The following CLEC4D variants were observed in gnomAD, a reference collection of about 807,000 sequenced individuals.
The protein encoded by CLEC4D is C-type (calcium dependent, carbohydrate-recognition domain) lectin, superfamily member 8.
In CLEC4D, 21 loss-of-function variants were observed where a neutral mutation model predicts 21.1. The ratio of observed to expected loss-of-function variants is 1.00; its 90% CI spans 0.71 to 1.43. The LOEUF (loss-of-function observed/expected upper bound fraction) is 1.43, where lower values mean the gene tolerates loss of function less well. Among genes scored for constraint, CLEC4D ranks in the 40% most tolerant of loss-of-function variants. The pLI is 0.00. For synonymous variants in CLEC4D, 85 were observed against 83.1 expected (o/e 1.02, Z -0.12); for missense variants, 289 against 260.7 (o/e 1.11, Z -0.75).
intron 2 of CLEC4D, among the ~76,000 whole-genome samples, chr12:8,516,193 C>T (rs2136384650): frequency 6.6e-6 from 1 of 152,094 alleles, no homozygotes; most frequent in East Asian, 1.9e-4. Flanking sequence ...AGAATATCCT[C>T]ATGACCTGGA....
chr12:8,520,074 C>G, intron 4 of CLEC4D, 152 bp from the exon 5 acceptor site: 2 of 1,285,362 alleles, frequency 1.6e-6, no homozygotes, highest in Non-Finnish European at 2.1e-6. Flanking sequence ...GAAGCACTTA[C>G]TAACATTACA....
chr12:8,530,730 CAG>C, the CLEC4D span, among the ~76,000 whole-genome samples: 5 of 151,874 alleles, frequency 3.3e-5, no homozygotes, highest in African/African-American at 1.2e-4. Context: ...ATTATCTACA[CAG>C]AAAATAAAAG....
the CLEC4D span, among the ~76,000 whole-genome samples, chr12:8,530,459 C>CAAAAAAAAA: frequency 1.1e-5 from 1 of 87,364 alleles, no homozygotes; most frequent in Non-Finnish European, 2.4e-5. Flanking sequence ...ATCAAGAAAG[C>CAAAAAAAAA]AAAAAAAAAA....
Position 8,519,019 on chromosome 12 carries a change from G to C in CLEC4D, c.243G>C (p.Trp81Cys). The C allele has an allele frequency of 6.2e-7, 1 of 1,613,396 alleles. No homozygotes were observed. The highest frequency in any genetic ancestry group is 8.5e-7 in the Non-Finnish European group (1 of 1,179,782). ...SELKSAEGST[W>C]NCCPIDWRAF... ...TAATTTTCACTTGAGGGAGCACCTGGAACTGTTGTCCTATTGACTGGAGAG... is the reference window on the plus strand; with the variant it reads ...TAATTTTCACTTGAGGGAGCACCTGCAACTGTTGTCCTATTGACTGGAGAG... Residue 81 changes from tryptophan to cysteine, a missense_variant, in exon 4 of 6, where the codon TGG becomes TGC. Coordinates refer to ENST00000299665, the MANE Select transcript of CLEC4D (RefSeq NM_080387.5).
At chr12:8,524,469 T>C (rs748362679), downstream of CLEC4D, among the ~76,000 whole-genome samples, 2 of 152,296 alleles carry the variant, frequency 1.3e-5, no homozygotes, top group South Asian at 2.1e-4. Context: ...TTCTTGTAGA[T>C]TTTCTAGTTT....
chr12:8,515,328 G>C lies in CLEC4D; in HGVS notation c.121G>C (p.Val41Leu). ...LSVCFIASCL[V>L]THHNFSRCKR... ...TGTCTGTTTTATTGCAAGTTGTTTG[G>C]GTAAGTTATTAGCCAAAGTAGAACT... The change falls in exon 2 of 6, where the codon GTG becomes CTG. Residue 41 changes from valine to leucine, a missense_variant and splice_region_variant. Coordinates refer to ENST00000299665, the MANE Select transcript of CLEC4D (RefSeq NM_080387.5). 1 of 1,284,994 alleles carries C rather than the reference G, an allele frequency of 7.8e-7. No individual in the cohort carries two copies. The allele number at this position is 1,284,994 out of a possible 1,614,324, so 79.6% of individuals were successfully genotyped here.
In CLEC4D at chr12:8,520,691, GT is replaced by G. The variant is rs1375920651; in HGVS notation, c.500+351del. On this transcript the variant is annotated intron_variant, in intron 5 of 5. Coordinates refer to ENST00000299665, the MANE Select transcript of CLEC4D (RefSeq NM_080387.5). ...TCTTTCTTGAAGCCAGTATCGTTTA[GT>G]AAAAATATAATGCAAAGCCACATGT... Among the ~76,000 whole-genome samples, 3 of 152,236 alleles carry G rather than the reference GT, an allele frequency of 2.0e-5. No individual in the cohort carries two copies. In the East Asian group the frequency reaches 5.8e-4, roughly 29 times the overall value.
Position 8,519,059 on chromosome 12 carries a change from T to A in CLEC4D, c.283T>A (p.Cys95Ser). The A allele has an allele frequency of 1.9e-6, 3 of 1,614,198 alleles. No individual in the cohort carries two copies. The South Asian group carries it at 3.3e-5, about 18-fold the overall frequency. Residue 95 changes from cysteine to serine, a missense_variant, in exon 4 of 6, where the codon TGC (cysteine) becomes AGC (serine). By Grantham distance (112) the Cys-to-Ser change is moderately radical. Coordinates refer to ENST00000299665, the MANE Select transcript of CLEC4D (RefSeq NM_080387.5). ...PIDWRAFQSN[C>S]YFPLTDNKTW... ...TGACTGGAGAGCCTTCCAGTCCAACTGCTATTTTCCTCTTACTGACAACAA... is the reference window on the plus strand; with the variant it reads ...TGACTGGAGAGCCTTCCAGTCCAACAGCTATTTTCCTCTTACTGACAACAA...
chr12:8,531,253 G>A, the CLEC4D span, among the ~76,000 whole-genome samples: 4 of 152,172 alleles, frequency 2.6e-5, no homozygotes, highest in Admixed American at 2.0e-4. Context: ...GTAGTCATGC[G>A]TCCCTCTCCC....
downstream of CLEC4D, among the ~76,000 whole-genome samples, chr12:8,526,895 T>A (rs769800120): frequency 3.3e-5 from 5 of 152,270 alleles, no homozygotes; most frequent in African/African-American, 1.2e-4. Flanking sequence ...GTTGTTGTTG[T>A]TGATGCTGTT....
chr12:8,517,142 C>T (rs1940391548), intron 2 of CLEC4D, among the ~76,000 whole-genome samples: 1 of 152,032 alleles, frequency 6.6e-6, no homozygotes, highest in South Asian at 2.1e-4. Context: ...CCTATAAAGG[C>T]GAGGGAGTGA....
At chr12:8,521,102 A>C (rs757759721) in intron 5 of CLEC4D, 22 bp from the exon 6 acceptor site, 1 of 1,609,142 alleles carries the variant, frequency 6.2e-7, no homozygotes, top group Non-Finnish European at 8.5e-7. Context: ...ATAAATCTCT[A>C]TCTATGTTGT....
downstream of CLEC4D, among the ~76,000 whole-genome samples, chr12:8,523,819 A>G (rs905407329): frequency 1.3e-5 from 2 of 152,050 alleles, no homozygotes; most frequent in African/African-American, 2.4e-5. Context: ...ATTCAATATG[A>G]TATATTGGCT....
In CLEC4D at chr12:8,521,500, ATCTT is replaced by A; in HGVS notation, c.*235_*238del. ...TGTATGGTGTTTGATGGAAGGAATAATCTTTCTTTGCTTTCTTAGTAGTATTTCA... is the reference window on the plus strand; with the variant it reads ...TGTATGGTGTTTGATGGAAGGAATAATCTTTGCTTTCTTAGTAGTATTTCA... On this transcript the variant is annotated 3_prime_UTR_variant, in exon 6 of 6. Transcript: ENST00000299665. 4.6e-6 allele frequency: 4 copies of A among 864,918 alleles called. No individual in the cohort carries two copies. The highest frequency in any genetic ancestry group is 6.2e-6 in the Non-Finnish European group (4 of 648,202). The allele number at this position is 864,918 out of a possible 1,614,324, so 53.6% of individuals were successfully genotyped here. A position where few individuals can be genotyped will look rare whatever the true frequency, so the allele number is the denominator to read the frequency against.
chr12:8,530,107 T>C, the CLEC4D span, among the ~76,000 whole-genome samples: 2 of 152,216 alleles, frequency 1.3e-5, no homozygotes, highest in African/African-American at 2.4e-5. Context: ...AAAGAGCTGC[T>C]AAAGCATCAT....
In CLEC4D at chr12:8,521,182, T is replaced by A. The variant is rs1278874479; in HGVS notation, c.559T>A (p.Tyr187Asn). 1 of 1,613,600 alleles carries A rather than the reference T, an allele frequency of 6.2e-7. No homozygotes were observed. The highest frequency in any genetic ancestry group is 2.2e-5 in the East Asian group (1 of 44,856). The change falls in exon 6 of 6, where the codon TAT (tyrosine) becomes AAT (asparagine). Residue 187 changes from tyrosine (Y) to asparagine (N), a missense_variant. By Grantham distance (143) the Tyr-to-Asn change is moderately radical. Coordinates refer to ENST00000299665, the MANE Select transcript of CLEC4D (RefSeq NM_080387.5). ...SQGENCVVLVYNQDKWAWNDV... is the reference protein window; with the variant it reads ...SQGENCVVLVNNQDKWAWNDV... ...GGGAGAAAACTGTGTTGTTCTTGTT[T>A]ATAACCAAGATAAATGGGCCTGGAA...
Position 8,521,410 on chromosome 12 carries a change from T to G in CLEC4D, c.*139T>G, listed in dbSNP as rs1940457180. 1 of 1,426,550 alleles carries G rather than the reference T, an allele frequency of 7.0e-7. No individual in the cohort carries two copies. Among genetic ancestry groups the G allele is most frequent in the African/African-American group, 1.4e-5 (1 of 70,028 alleles). 88.4% of individuals were successfully genotyped at this position (1,426,550 alleles called of 1,614,324 possible). On this transcript the variant is annotated 3_prime_UTR_variant, in exon 6 of 6. Coordinates refer to ENST00000299665, the MANE Select transcript of CLEC4D (RefSeq NM_080387.5). Reference sequence around the variant, plus strand: ...TTAGTCATAATGGTCTTTTTTATTTTGTTTGATTCATTCGAGACAACATGT... The same window carrying G: ...TTAGTCATAATGGTCTTTTTTATTTGGTTTGATTCATTCGAGACAACATGT...
chr12:8,522,297 G>A lies in CLEC4D; in HGVS notation c.*1026G>A, dbSNP rs2136389861. ...GACAACCAGAAATTATGCTTTTCTG[G>A]TGCATGAAACATTAATTGCAAAGGG... On this transcript the variant is annotated 3_prime_UTR_variant, in exon 6 of 6. Coordinates refer to ENST00000299665, the MANE Select transcript of CLEC4D (RefSeq NM_080387.5). The A allele has an allele frequency of 6.6e-6, 1 of 152,190 alleles. No individual in the cohort carries two copies. The highest frequency in any genetic ancestry group is 1.5e-5 in the Non-Finnish European group (1 of 67,972). The allele number at this position is 152,190 out of a possible 1,614,324, so 9.4% of individuals were successfully genotyped here.
At chr12:8,515,870 A>G (rs984634847) in intron 2 of CLEC4D, among the ~76,000 whole-genome samples, 4 of 152,166 alleles carry the variant, frequency 2.6e-5, no homozygotes, top group Admixed American at 2.0e-4. Flanking sequence ...TCTTTCTGAT[A>G]TCAAACATAA....
Sources: allele counts gnomAD v4.1 joint callset (sites outside exome capture counted in the v4.1 genomes callset), GRCh38; gene constraint gnomAD v4.1.1; transcripts MANE v1.5; gene names NCBI Gene and HGNC (gene_info 2026-07-23, HGNC 2026-07-21).